TULP4: variants seen among roughly 807,000 people sequenced by gnomAD.
TULP4 encodes the protein tubby-related protein 4.
In TULP4, 16 loss-of-function variants were observed where a neutral mutation model predicts 129.0. The observed-to-expected ratio is 0.12, with a 90% CI of 0.08 to 0.19. The LOEUF (loss-of-function observed/expected upper bound fraction) is 0.19, where lower values mean the gene tolerates loss of function less well. Among genes scored for constraint, TULP4 ranks in the 10% least tolerant of loss-of-function variants. The pLI is 1.00. For synonymous variants in TULP4, 998 were observed against 854.0 expected (o/e 1.17, Z -2.94); for missense variants, 1,842 against 2,059.1 (o/e 0.89, Z 2.04).
chr6:158,444,554 A>G (rs955957924), intron 3 of TULP4, among the ~76,000 whole-genome samples: 4 of 152,158 alleles, frequency 2.6e-5, no homozygotes, highest in African/African-American at 4.8e-5. Context: ...TGAAGTTGAC[A>G]TTTCCCAACA....
intron 1 of TULP4, chr6:158,282,748 C>A (rs917295445): frequency 3.3e-5 from 5 of 152,000 alleles, no homozygotes; most frequent in African/African-American, 1.2e-4. Context: ...TCTGGATCTT[C>A]CAGGACCACA....
chr6:158,279,003 G>T (rs1778697612), upstream of TULP4, among the ~76,000 whole-genome samples: 1 of 146,804 alleles, frequency 6.8e-6, no homozygotes, highest in Admixed American at 6.8e-5. Context: ...GCAGTGGCGT[G>T]ATCTCGGCTC....
rs542431508 is a variant in TULP4, at chr6:158,408,648, A to G, written c.253-4417A>G. On this transcript the variant is annotated intron_variant, in intron 1 of 13. Transcript: ENST00000367097. ...CCACAGCTGTGCAGCTGGTGAGTGA[A>G]TGACGAGGCCCGGAGTCAGAGCCAG... Among the ~76,000 whole-genome samples, 9 of 152,256 alleles carry G rather than the reference A, an allele frequency of 5.9e-5. No individual in the cohort carries two copies. In the South Asian group the frequency reaches 1.2e-3, roughly 21 times the overall value.
chr6:158,364,673 A>G (rs773584565), intron 1 of TULP4, among the ~76,000 whole-genome samples: 4 of 152,080 alleles, frequency 2.6e-5, no homozygotes, highest in Non-Finnish European at 5.9e-5. Context: ...GCTAGTTTTC[A>G]AGGTTTTCTC....
exon 1 of TULP4, chr6:158,282,283 C>T (rs1301491844): frequency 2.0e-5 from 3 of 152,012 alleles, no homozygotes; most frequent in Non-Finnish European, 2.9e-5. Context: ...AGCTGAGTAT[C>T]TCCACGTTTA....
intron 1 of TULP4, among the ~76,000 whole-genome samples, chr6:158,301,523 C>T (rs995421002): frequency 1.1e-4 from 16 of 151,956 alleles, no homozygotes; most frequent in African/African-American, 3.1e-4. Context: ...CAATTAAATT[C>T]GGATCAAATC....
chr6:158,413,260 G>T lies in TULP4; in HGVS notation c.381+67G>T. ...TAGAGGACTCCCAGACAGGCATTCC[G>T]GAGCCAGTGCGTTAGCACCACACAG... On this transcript the variant is annotated intron_variant, in intron 2 of 13. Transcript: ENST00000367097. This position sits in a 1 kb window ranked among gnomAD's most constrained non-coding sequence, Gnocchi z 4.9. 1 of 1,533,584 alleles carries T rather than the reference G, an allele frequency of 6.5e-7. No homozygotes were observed. 95.0% of individuals were successfully genotyped at this position (1,533,584 alleles called of 1,614,324 possible).
rs1778739043 is a variant in TULP4 at position 158,435,855 on chromosome 6, A to G, written c.543+5958A>G. On this transcript the variant is annotated intron_variant, in intron 3 of 13. Coordinates refer to ENST00000367097, the MANE Select transcript of TULP4 (RefSeq NM_020245.5). ...TGCACTCTTATCTTGCTTATCATTT[A>G]TGCCCTAAACTGGGAATTGCTCATC... is the stretch of plus-strand genomic sequence containing the variant. Among the ~76,000 whole-genome samples, 4 of 150,962 alleles carry G rather than the reference A, an allele frequency of 2.6e-5. No individual in the cohort carries two copies. In the South Asian group the frequency reaches 8.3e-4, roughly 31 times the overall value.
intron 1 of TULP4, among the ~76,000 whole-genome samples, chr6:158,378,346 A>G (rs1012166743): frequency 3.3e-5 from 5 of 152,132 alleles, no homozygotes; most frequent in South Asian, 4.1e-4. Context: ...AAATTTTATT[A>G]TAATAATGTA....
At chr6:158,485,749 G>C (rs1404911036) in intron 8 of TULP4, among the ~76,000 whole-genome samples, 1 of 152,186 alleles carries the variant, frequency 6.6e-6, no homozygotes, top group Non-Finnish European at 1.5e-5. Context: ...AACCAAAGAA[G>C]ACTCCACTCA....
At chr6:158,353,921 G>A (rs1461756469) in intron 1 of TULP4, among the ~76,000 whole-genome samples, 4 of 152,198 alleles carry the variant, frequency 2.6e-5, no homozygotes, top group African/African-American at 2.4e-5. Flanking sequence ...TTATGTGGGC[G>A]CTTGTTGAGA....
intron 1 of TULP4, among the ~76,000 whole-genome samples, chr6:158,239,769 AC>A (rs1562490526): frequency 9.3e-5 from 5 of 53,744 alleles, no homozygotes; most frequent in Admixed American, 1.9e-4. Flanking sequence ...CGGAGGGCTG[AC>A]CCCCCCACCT....
intron 1 of TULP4, among the ~76,000 whole-genome samples, chr6:158,271,958 G>C (rs925288914): frequency 2.6e-5 from 4 of 152,208 alleles, no homozygotes; most frequent in Admixed American, 1.3e-4. Flanking sequence ...ATGTGCAGTG[G>C]AGGGTTTAAA....
At chr6:158,452,341 C>T (rs1476220728) in intron 5 of TULP4, 73 bp downstream of exon 5, 5 of 1,565,492 alleles carry the variant, frequency 3.2e-6, no homozygotes, top group African/African-American at 1.4e-5. Flanking sequence ...CGGTCTTGTA[C>T]ACTCTGTGCT....
chr6:158,463,699 T>TA (rs35577143), intron 6 of TULP4, among the ~76,000 whole-genome samples: 57,755 of 135,140 alleles, frequency 0.43, 13,586 homozygotes, highest in African/African-American at 0.65. Flanking sequence ...TAGACTTCAT[T>TA]AAAAAAAAAA....
At chr6:158,257,159 T>C (rs1023469455) in intron 1 of TULP4, among the ~76,000 whole-genome samples, 11 of 152,160 alleles carry the variant, frequency 7.2e-5, no homozygotes, top group African/African-American at 2.4e-4. Context: ...TGTTACTCAT[T>C]TCAGAAGATG....
intron 1 of TULP4, among the ~76,000 whole-genome samples, chr6:158,353,452 A>G (rs1024092797): frequency 2.0e-5 from 3 of 152,184 alleles, no homozygotes; most frequent in Non-Finnish European, 2.9e-5. Flanking sequence ...AGCTATGTAT[A>G]ATTTTTTGAA....
At position 158,479,950 on chromosome 6, in the gene TULP4, C is replaced by G. The variant is rs527286687; in HGVS notation, c.1226C>G (p.Ser409Cys). The change falls in exon 7 of 14, where the codon TCC (serine) becomes TGC (cysteine). Residue 409 changes from serine (S) to cysteine (C), a missense_variant. Around this residue, in one of 5 missense-constraint regions of TULP4, gnomAD observed 456 missense variants for 534.3 expected, o/e 0.85. Transcript: ENST00000367097. ...CCCCCCCGCCTCTGCTCCTACCTCT[C>G]CACTGCCTTCATCCCCACCATCAAG... ...TLPPRLCSYL[S>C]TAFIPTIKPP... is the part of the protein sequence containing the mutation. The G allele has an allele frequency of 1.9e-6, 3 of 1,608,750 alleles. No homozygotes were observed. In the South Asian group the frequency reaches 3.3e-5, roughly 18 times the overall value.
In TULP4 at chr6:158,429,812, C is replaced by G. The variant is rs756354245; in HGVS notation, c.458C>G (p.Ser153Cys). ...CGAGATGGGTTTGTCCTGGTTGGGT[C>G]TGTCAGTGGACAAAGACACTGGTCA... is the stretch of plus-strand genomic sequence containing the variant. ...SYRDGFVLVG[S>C]VSGQRHWSSE... is the part of the protein sequence containing the mutation. Residue 153 changes from serine to cysteine, a missense_variant, in exon 3 of 14, where the codon TCT (serine) becomes TGT (cysteine). This residue lies in a region of TULP4 where 151 missense variants were observed against 268.7 expected (regional missense o/e 0.56). Coordinates refer to ENST00000367097, the MANE Select transcript of TULP4 (RefSeq NM_020245.5). 4.3e-6 allele frequency: 7 copies of G among 1,614,158 alleles called. No homozygotes were observed. The highest frequency in any genetic ancestry group is 5.1e-6 in the Non-Finnish European group (6 of 1,180,018).
Sources: gnomAD v4.1 joint callset for allele counts (sites outside exome capture counted in the v4.1 genomes callset) on GRCh38, gnomAD v4.1.1 for gene constraint, gnomAD v4.1.1 regional missense constraint, Gnocchi (gnomAD v3.1) non-coding constraint, MANE v1.5 for transcripts, NCBI Gene and HGNC (gene_info 2026-07-23, HGNC 2026-07-21) for gene names.